EFCAB11: variants seen among roughly 807,000 people sequenced by gnomAD.
EFCAB11 encodes EF-hand calcium-binding domain-containing protein 11.
A neutral mutation model predicts 23.0 loss-of-function variants in EFCAB11; 14 were observed. The observed-to-expected ratio is 0.61, with a 90% confidence interval of 0.40 to 0.95. The LOEUF (loss-of-function observed/expected upper bound fraction) is 0.95, where lower values mean the gene tolerates loss of function less well. Ranked by LOEUF, EFCAB11 falls within the 40% of genes least tolerant of loss-of-function variation. The pLI is 0.00. For missense variants in EFCAB11, 198 were observed against 195.8 expected (o/e 1.01, Z -0.07); for synonymous variants, 65 against 66.6 (o/e 0.98, Z 0.11).
rs1158527354 is a variant in EFCAB11 at position 89,931,577 on chromosome 14, G to T, written c.374C>A (p.Pro125His). 1 of 1,613,886 alleles carries T rather than the reference G, an allele frequency of 6.2e-7. No homozygotes were observed. Among genetic ancestry groups the T allele is most frequent in the African/African-American group, 1.3e-5 (1 of 74,876 alleles). The change falls in exon 5 of 6, where the codon CCC becomes CAC. Residue 125 changes from proline to histidine, a missense_variant. Coordinates refer to ENST00000316738, the MANE Select transcript of EFCAB11 (RefSeq NM_145231.4). ...DFKKAFRQVAPKLPERTVLEV... is the reference protein window; with the variant it reads ...DFKKAFRQVAHKLPERTVLEV... ...AAGAACAGTCCTTTCCGGTAATTTG[G>T]GAGCCACCTGCCTAAATGCTTTTTT... is the stretch of plus-strand genomic sequence containing the variant.
intron 5 of EFCAB11, among the ~76,000 whole-genome samples, chr14:89,855,302 C>G (rs1566785565): frequency 6.6e-6 from 1 of 151,600 alleles, no homozygotes. Flanking sequence ...GTGGCGAAAC[C>G]CCATCTCTAC....
chr14:89,939,469 T>C (rs540703554), intron 3 of EFCAB11, among the ~76,000 whole-genome samples: 23 of 152,264 alleles, frequency 1.5e-4, no homozygotes, highest in African/African-American at 5.3e-4. Context: ...TGAAGAACTC[T>C]ACACAGAGAG....
intron 5 of EFCAB11, among the ~76,000 whole-genome samples, chr14:89,839,970 T>G (rs996041847): frequency 6.6e-6 from 1 of 152,160 alleles, no homozygotes; most frequent in African/African-American, 2.4e-5. Flanking sequence ...GGATATGAGA[T>G]GAGATTTGGG....
At chr14:89,814,695 A>G (rs1886271811) in intron 5 of EFCAB11, among the ~76,000 whole-genome samples, 2 of 147,234 alleles carry the variant, frequency 1.4e-5, no homozygotes, top group Non-Finnish European at 3.0e-5. Flanking sequence ...CAAGAGCGAA[A>G]CTCCCTTTCA....
chr14:89,875,914 G>C (rs1888423145), intron 5 of EFCAB11, among the ~76,000 whole-genome samples: 1 of 152,158 alleles, frequency 6.6e-6, no homozygotes, highest in Admixed American at 6.5e-5. Flanking sequence ...TGGAAGCATT[G>C]GCTGTTAAAG....
chr14:89,911,923 C>T (rs1889692674), intron 5 of EFCAB11, among the ~76,000 whole-genome samples: 1 of 152,192 alleles, frequency 6.6e-6, no homozygotes, highest in Non-Finnish European at 1.5e-5. Context: ...TGTTAAGCCT[C>T]CTAACAACCT....
chr14:89,863,649 C>T (rs891733222), intron 5 of EFCAB11, among the ~76,000 whole-genome samples: 13 of 152,336 alleles, frequency 8.5e-5, no homozygotes, highest in South Asian at 2.1e-4. Flanking sequence ...TCTACTTCTC[C>T]GTATCCCCAG....
chr14:89,943,074 T>C (rs1890845887), intron 3 of EFCAB11, among the ~76,000 whole-genome samples: 1 of 152,100 alleles, frequency 6.6e-6, no homozygotes, highest in African/African-American at 2.4e-5. Flanking sequence ...GGGCAGCAAC[T>C]GGGCCCTGCA....
intron 5 of EFCAB11, among the ~76,000 whole-genome samples, chr14:89,907,345 T>G (rs1285528985): frequency 6.6e-6 from 1 of 152,230 alleles, no homozygotes; most frequent in African/African-American, 2.4e-5. Flanking sequence ...AAACAGTTCA[T>G]GACAGTAAAA....
At chr14:89,952,861 CT>C (rs941559992) in intron 2 of EFCAB11, among the ~76,000 whole-genome samples, 7 of 152,170 alleles carry the variant, frequency 4.6e-5, no homozygotes, top group Non-Finnish European at 2.9e-5. Context: ...GCTTCCTTTG[CT>C]TGATGGTGGC....
intron 5 of EFCAB11, among the ~76,000 whole-genome samples, chr14:89,880,153 T>G (rs568544548): frequency 6.6e-6 from 1 of 152,280 alleles, no homozygotes; most frequent in South Asian, 2.1e-4. Context: ...TAATAACCAA[T>G]GTGATGGTAT....
intron 3 of EFCAB11, among the ~76,000 whole-genome samples, chr14:89,946,567 T>C (rs893183174): frequency 2.0e-5 from 3 of 152,112 alleles, no homozygotes; most frequent in Non-Finnish European, 4.4e-5. Flanking sequence ...TTCTTCCTTC[T>C]GTTGAATTAA....
intron 5 of EFCAB11, among the ~76,000 whole-genome samples, chr14:89,884,175 A>T (rs1888682574): frequency 6.6e-6 from 1 of 152,204 alleles, no homozygotes; most frequent in Non-Finnish European, 1.5e-5. Context: ...TAACAAAAAA[A>T]AATTATACAA....
intron 5 of EFCAB11, 61 bp from the exon 6 acceptor site, chr14:89,797,385 G>A: frequency 1.4e-6 from 2 of 1,432,946 alleles, no homozygotes; most frequent in Non-Finnish European, 9.7e-7. Context: ...TGCACCGAGA[G>A]CACATTAGAA....
intron 3 of EFCAB11, among the ~76,000 whole-genome samples, chr14:89,937,620 G>C (rs559138517): frequency 6.6e-6 from 1 of 152,026 alleles, no homozygotes; most frequent in African/African-American, 2.4e-5. Context: ...CCACCTCCTG[G>C]GTTCAAGCGA....
intron 5 of EFCAB11, among the ~76,000 whole-genome samples, chr14:89,926,077 A>G (rs1890184259): frequency 6.6e-6 from 1 of 152,058 alleles, no homozygotes; most frequent in Non-Finnish European, 1.5e-5. Flanking sequence ...CGGCCTCCCA[A>G]AGTGTTGGAT....
intron 5 of EFCAB11, among the ~76,000 whole-genome samples, chr14:89,872,134 T>C (rs1195911180): frequency 1.3e-5 from 2 of 152,266 alleles, no homozygotes; most frequent in Non-Finnish European, 2.9e-5. Context: ...TAATTTACAT[T>C]ACCATATTCT....
At chr14:89,801,354 G>C (rs1473900580) in intron 5 of EFCAB11, among the ~76,000 whole-genome samples, 2 of 152,172 alleles carry the variant, frequency 1.3e-5, no homozygotes, top group African/African-American at 2.4e-5. Flanking sequence ...GTTGAGTCAG[G>C]GGCTGAAGAT....
chr14:89,803,226 A>G (rs569625253), intron 5 of EFCAB11, among the ~76,000 whole-genome samples: 1 of 152,206 alleles, frequency 6.6e-6, no homozygotes, highest in African/African-American at 2.4e-5. Context: ...ACTTACTAAT[A>G]TAATTGCTTT....
Sources: allele counts gnomAD v4.1 joint callset (sites outside exome capture counted in the v4.1 genomes callset), GRCh38; gene constraint gnomAD v4.1.1; transcripts MANE v1.5; gene names NCBI Gene and HGNC (gene_info 2026-07-23, HGNC 2026-07-21).